The following TTC9C variants were observed in gnomAD, a reference collection of about 807,000 sequenced individuals.
The protein encoded by TTC9C is tetratricopeptide repeat protein 9C.
TTC9C carries 15 observed loss-of-function variants against 22.5 expected under a neutral mutation model. The ratio of observed to expected loss-of-function variants is 0.67; its 90% CI spans 0.45 to 1.03. TTC9C has a LOEUF of 1.03. Ranked by LOEUF, TTC9C falls within the 50% of genes least tolerant of loss-of-function variation. The pLI, the probability that TTC9C is intolerant of heterozygous loss-of-function variation, is 0.00. For synonymous variants in TTC9C, 92 were observed against 86.8 expected, an observed-to-expected ratio of 1.06 and a Z score of -0.33; for missense variants, 244 against 214.6, an observed-to-expected ratio of 1.14 and a Z score of -0.86.
chr11:62,736,461 G>A (rs900474649), intron 2 of TTC9C, among the ~76,000 whole-genome samples: 7 of 151,656 alleles, frequency 4.6e-5, no homozygotes, highest in African/African-American at 9.7e-5. Context: ...TTGGGAGGCC[G>A]AGGTGGGCGG....
At position 62,735,496 on chromosome 11, in the gene TTC9C, T is replaced by C. The variant is rs1416838605; in HGVS notation, c.353T>C (p.Phe118Ser). ...AKALYRAGVA[F>S]FHLQDYDQAR... ...GCCTTGTATCGGGCCGGAGTGGCCT[T>C]TTTCCATCTGCAGGACTATGACCAG... The change falls in exon 2 of 3, where the codon TTT becomes TCT. Residue 118 changes from phenylalanine to serine, a missense_variant. Coordinates refer to ENST00000316461, the MANE Select transcript of TTC9C (RefSeq NM_173810.4). The C allele has an allele frequency of 2.5e-6, 4 of 1,614,124 alleles. No individual in the cohort carries two copies. Among genetic ancestry groups the C allele is most frequent in the South Asian group, 2.2e-5 (2 of 91,084 alleles).
rs1417215465 is a variant in TTC9C, at chr11:62,733,092, A to G, written c.239-2290A>G. On this transcript the variant is annotated intron_variant, in intron 1 of 2. Transcript: ENST00000316461. ...TTGATCTTTCTCAGCACCATGATTT[A>G]ATAATACTATGTTTAATTCCCACAG... 31 of 1,247,002 alleles carry G rather than the reference A, an allele frequency of 2.5e-5. No homozygotes were observed. The Admixed American group carries it at 6.7e-4, about 27-fold the overall frequency. 77.2% of individuals were successfully genotyped at this position (1,247,002 alleles called of 1,614,324 possible).
chr11:62,735,493 C>G lies in TTC9C; in HGVS notation c.350C>G (p.Ala117Gly). ...NAKALYRAGV[A>G]FFHLQDYDQA... ...AAGGCCTTGTATCGGGCCGGAGTGGCCTTTTTCCATCTGCAGGACTATGAC... is the reference window on the plus strand; with the variant it reads ...AAGGCCTTGTATCGGGCCGGAGTGGGCTTTTTCCATCTGCAGGACTATGAC... Residue 117 changes from alanine (A) to glycine (G), a missense_variant, in exon 2 of 3, where the codon GCC (alanine) becomes GGC (glycine). By Grantham distance (60) the Ala-to-Gly change is moderately conservative. Coordinates refer to ENST00000316461, the MANE Select transcript of TTC9C (RefSeq NM_173810.4). 2 of 1,614,122 alleles carry G rather than the reference C, an allele frequency of 1.2e-6. No individual in the cohort carries two copies. The highest frequency in any genetic ancestry group is 1.7e-6 in the Non-Finnish European group (2 of 1,180,006).
At chr11:62,736,241 A>C (rs868793616) in intron 2 of TTC9C, 1 of 150,412 alleles carries the variant, frequency 6.6e-6, no homozygotes, top group Non-Finnish European at 1.5e-5. Context: ...AAAAAAAAAA[A>C]AACAGTGTTG....
At chr11:62,738,138 A>G (rs1465805911) in intron 2 of TTC9C, 150 bp from the exon 3 acceptor site, 1 of 380,736 alleles carries the variant, frequency 2.6e-6, no homozygotes, top group East Asian at 3.8e-5. Flanking sequence ...AATTAATGAG[A>G]TTTACTATTG....
At chr11:62,733,191 CCT>C (rs763690392) in intron 1 of TTC9C, 49 of 1,280,412 alleles carry the variant, frequency 3.8e-5, no homozygotes, top group Non-Finnish European at 4.9e-5. Flanking sequence ...TGAATTGACT[CCT>C]CTGCAGGTTT....
chr11:62,733,740 TC>T (rs1302111636), intron 1 of TTC9C, among the ~76,000 whole-genome samples: 4 of 152,016 alleles, frequency 2.6e-5, no homozygotes, highest in African/African-American at 9.7e-5. Flanking sequence ...ACGCCTGTAA[TC>T]CCAGCACTTT....
chr11:62,731,732 C>G (rs1209644023), intron 1 of TTC9C, among the ~76,000 whole-genome samples: 3 of 151,706 alleles, frequency 2.0e-5, no homozygotes, highest in Non-Finnish European at 4.4e-5. Context: ...CTCTGTCGCC[C>G]AGGCTGGAGT....
At chr11:62,732,974 T>C in intron 1 of TTC9C, 1 of 109,482 alleles carries the variant, frequency 9.1e-6, no homozygotes, top group Non-Finnish European at 1.8e-5. Flanking sequence ...TTCCTCCACT[T>C]TTTTTTTTTT....
chr11:62,730,377 G>T (rs2083834397), intron 1 of TTC9C, among the ~76,000 whole-genome samples: 1 of 151,354 alleles, frequency 6.6e-6, no homozygotes, highest in Non-Finnish European at 1.5e-5. Flanking sequence ...ACCCGGCCCA[G>T]TAATTTTTAT....
chr11:62,737,912 T>C (rs1002647497), intron 2 of TTC9C, among the ~76,000 whole-genome samples: 1 of 152,112 alleles, frequency 6.6e-6, no homozygotes, highest in African/African-American at 2.4e-5. Context: ...ATGCCTGTAA[T>C]CTCAGCTACT....
intron 1 of TTC9C, among the ~76,000 whole-genome samples, chr11:62,731,981 G>A (rs1166805131): frequency 3.7e-5 from 5 of 135,618 alleles, no homozygotes; most frequent in Non-Finnish European, 6.3e-5. Flanking sequence ...CACCGCGCCT[G>A]GTCAGCACTT....
intron 1 of TTC9C, among the ~76,000 whole-genome samples, chr11:62,733,509 A>G (rs867975521): frequency 1.3e-5 from 2 of 152,178 alleles, no homozygotes; most frequent in Non-Finnish European, 2.9e-5. Flanking sequence ...AAGCTGCAGT[A>G]CAAGAACTGT....
At chr11:62,728,451 C>CG (rs527854814), upstream of TTC9C, 18,228 of 442,422 alleles carry the variant, frequency 0.041, 380 homozygotes, top group African/African-American at 0.094. Context: ...ACTTCCAGGT[C>CG]GGGGGGGGGC....
rs1281379214 is a variant in TTC9C, at chr11:62,728,599, G to C, written c.-250G>C. 1 of 624,516 alleles carries C rather than the reference G, an allele frequency of 1.6e-6. No individual in the cohort carries two copies. The highest frequency in any genetic ancestry group is 3.3e-5 in the East Asian group (1 of 29,942). 38.7% of individuals were successfully genotyped at this position (624,516 alleles called of 1,614,324 possible). The stretch of plus-strand genomic sequence containing the variant: ...CTCTTTAGGAAGTCACTTAATGTTG[G>C]GCTTCATTATTCCCACATCCCTTTC... On this transcript the variant is annotated 5_prime_UTR_variant, in exon 1 of 3. Coordinates refer to ENST00000316461, the MANE Select transcript of TTC9C (RefSeq NM_173810.4).
intron 1 of TTC9C, chr11:62,733,164 C>T (rs913643898): frequency 2.3e-6 from 3 of 1,287,938 alleles, no homozygotes; most frequent in African/African-American, 3.0e-5. Flanking sequence ...AAAGGCAGAA[C>T]ATTGACCTGA....
At position 62,735,375 on chromosome 11, in the gene TTC9C, C is replaced by T. The variant is rs1295828901; in HGVS notation, c.239-7C>T. The T allele has an allele frequency of 3.1e-6, 5 of 1,613,412 alleles. No homozygotes were observed. The highest frequency in any genetic ancestry group is 2.7e-5 in the African/African-American group (2 of 75,018). ...TACCTCTTCTCTCTTTTCATTTGGC[C>T]CATTAGCTTGTCTCCTTCAGATGGA... is the stretch of plus-strand genomic sequence containing the variant. On this transcript the variant is annotated splice_region_variant and splice_polypyrimidine_tract_variant and intron_variant, in intron 1 of 2. Coordinates refer to ENST00000316461, the MANE Select transcript of TTC9C (RefSeq NM_173810.4).
intron 1 of TTC9C, among the ~76,000 whole-genome samples, chr11:62,730,816 G>A (rs1336902423): frequency 6.6e-6 from 1 of 151,578 alleles, no homozygotes; most frequent in Non-Finnish European, 1.5e-5. Context: ...CAGGTGATCC[G>A]CCCACCTCGG....
intron 1 of TTC9C, chr11:62,732,989 TGACC>T: frequency 4.3e-6 from 1 of 233,524 alleles, no homozygotes; most frequent in Non-Finnish European, 7.8e-6. Context: ...TTTTTTTTTT[TGACC>T]ACTTGGTGGG....
Sources: gnomAD v4.1 joint callset for allele counts (sites outside exome capture counted in the v4.1 genomes callset) on GRCh38, gnomAD v4.1.1 for gene constraint, MANE v1.5 for transcripts, NCBI Gene and HGNC (gene_info 2026-07-23, HGNC 2026-07-21) for gene names.